The following COP1 variants were observed in gnomAD, a reference collection of about 807,000 sequenced individuals.
The protein encoded by COP1 is E3 ubiquitin-protein ligase COP1.
Under a neutral mutation model 101.3 loss-of-function variants are expected in COP1, and 24 were observed. The ratio of observed to expected loss-of-function variants is 0.24; its 90% CI spans 0.17 to 0.33. The LOEUF is 0.33. Among genes scored for constraint, COP1 ranks in the 10% least tolerant of loss-of-function variants. The pLI is 1.00. For synonymous variants in COP1, 347 were observed against 341.9 expected (o/e 1.01, Z -0.17); for missense variants, 663 against 906.2 (o/e 0.73, Z 3.45).
At chr1:176,191,707 C>A (rs1455054023) in intron 1 of COP1, among the ~76,000 whole-genome samples, 1 of 152,128 alleles carries the variant, frequency 6.6e-6, no homozygotes, top group Non-Finnish European at 1.5e-5. Context: ...TCATCTCACT[C>A]TTTCCCAGTT....
At chr1:176,102,788 C>A (rs1683637227) in intron 9 of COP1, among the ~76,000 whole-genome samples, 1 of 152,188 alleles carries the variant, frequency 6.6e-6, no homozygotes, top group African/African-American at 2.4e-5. Flanking sequence ...ATTTTGCAGA[C>A]CCTGCACTTG....
At chr1:176,179,341 T>C (rs1319955029) in intron 2 of COP1, among the ~76,000 whole-genome samples, 1 of 151,536 alleles carries the variant, frequency 6.6e-6, no homozygotes, top group African/African-American at 2.4e-5. Context: ...GACAGATAAG[T>C]AGAAGGAGAA....
intron 15 of COP1, among the ~76,000 whole-genome samples, chr1:176,016,921 C>T (rs12041226): frequency 0.06 from 9,208 of 152,224 alleles, 593 homozygotes; most frequent in East Asian, 0.26. Flanking sequence ...CAATTCCTAA[C>T]ATCTTAAGTG....
rs141056672 is a variant in COP1, at chr1:176,045,136, C to T, written c.1421+1045G>A. ...TAATCTTAGGCAGGTTATTTACCTT[C>T]CTGTGCTCAGCTTTCTTTGTATAAA... is the stretch of plus-strand genomic sequence containing the variant. On this transcript the variant is annotated intron_variant, in intron 12 of 19. Coordinates refer to ENST00000367669, the MANE Select transcript of COP1 (RefSeq NM_022457.7). Among the ~76,000 whole-genome samples, 398 of 152,240 alleles carry T rather than the reference C, an allele frequency of 2.6e-3. 3 individuals carry two copies. Among genetic ancestry groups the T allele is most frequent in the African/African-American group, 9.1e-3 (379 of 41,538 alleles).
At chr1:175,945,680 T>C (rs1649078381) in intron 19 of COP1, among the ~76,000 whole-genome samples, 1 of 152,190 alleles carries the variant, frequency 6.6e-6, no homozygotes, top group Non-Finnish European at 1.5e-5. Flanking sequence ...AGTAGTATAC[T>C]GTCATAAAAA....
chr1:176,005,634 TG>T (rs1321387640), intron 15 of COP1, among the ~76,000 whole-genome samples: 2 of 152,236 alleles, frequency 1.3e-5, no homozygotes, highest in East Asian at 3.8e-4. Context: ...AGGAGCAGGT[TG>T]TTCAGTTTCC....
Position 176,191,790 on chromosome 1 carries a change from G to C in COP1, c.408-7098C>G, listed in dbSNP as rs138960406. Among the ~76,000 whole-genome samples, 44 of 152,068 alleles carry C rather than the reference G, an allele frequency of 2.9e-4. No individual in the cohort carries two copies. The East Asian group carries it at 7.9e-3, about 27-fold the overall frequency. On this transcript the variant is annotated intron_variant, in intron 1 of 19. Transcript: ENST00000367669. ...TCAAAAGCAGAGATTAAACTTATTT[G>C]GTATTTTGTGAAGTGATTCCTCCCT...
intron 9 of COP1, among the ~76,000 whole-genome samples, chr1:176,089,362 A>G (rs1401653419): frequency 6.6e-6 from 1 of 152,232 alleles, no homozygotes; most frequent in Non-Finnish European, 1.5e-5. Context: ...TTAAGAGGCA[A>G]TAATATACAC....
chr1:176,160,489 C>T (rs1694156967), intron 5 of COP1, among the ~76,000 whole-genome samples: 1 of 151,782 alleles, frequency 6.6e-6, no homozygotes, highest in African/African-American at 2.4e-5. Flanking sequence ...AGGCAACCTA[C>T]AGAATGGGGA....
intron 11 of COP1, among the ~76,000 whole-genome samples, chr1:176,057,776 G>C (rs1301093706): frequency 1.3e-5 from 2 of 152,154 alleles, no homozygotes; most frequent in Non-Finnish European, 2.9e-5. Context: ...GAAGTGAGGA[G>C]CGTCTCTGCC....
chr1:176,164,739 T>G (rs1694838046), intron 3 of COP1, among the ~76,000 whole-genome samples: 1 of 152,178 alleles, frequency 6.6e-6, no homozygotes, highest in African/African-American at 2.4e-5. Context: ...TAGAAATTCT[T>G]TTCCCGTGAA....
chr1:176,176,386 A>G (rs561051152), intron 2 of COP1, among the ~76,000 whole-genome samples: 2 of 152,340 alleles, frequency 1.3e-5, no homozygotes, highest in African/African-American at 4.8e-5. Context: ...TACTCAGTTC[A>G]TTGAAATAAA....
intron 18 of COP1, among the ~76,000 whole-genome samples, chr1:175,959,541 T>C (rs1651071440): frequency 6.6e-6 from 1 of 152,032 alleles, no homozygotes; most frequent in Non-Finnish European, 1.5e-5. Context: ...ATTAATTGTG[T>C]GCATAAAAAA....
chr1:176,019,588 C>T (rs926678684), intron 15 of COP1, among the ~76,000 whole-genome samples: 9 of 149,886 alleles, frequency 6.0e-5, no homozygotes, highest in Non-Finnish European at 1.0e-4. Flanking sequence ...GGGCCTGGCA[C>T]GGTGGCTCAC....
At chr1:176,036,119 T>C (rs1301928169) in intron 14 of COP1, among the ~76,000 whole-genome samples, 1 of 152,060 alleles carries the variant, frequency 6.6e-6, no homozygotes, top group Non-Finnish European at 1.5e-5. Context: ...TAGTAAATAG[T>C]CATGAAAACT....
In COP1 at chr1:176,041,171, A is replaced by T. The variant is rs148493970; in HGVS notation, c.1612+2015T>A. On this transcript the variant is annotated intron_variant, in intron 14 of 19. Coordinates refer to ENST00000367669, the MANE Select transcript of COP1 (RefSeq NM_022457.7). The stretch of plus-strand genomic sequence containing the variant: ...TAGAGATTTCTAAATATTTCCAGGA[A>T]AAAAAGGTTATTTGGTGGTATATCT... Among the ~76,000 whole-genome samples, 399 of 152,262 alleles carry T rather than the reference A, an allele frequency of 2.6e-3. 3 individuals carry two copies. The highest frequency in any genetic ancestry group is 9.2e-3 in the African/African-American group (381 of 41,554).
At chr1:176,074,455 T>C (rs1677597762) in intron 11 of COP1, among the ~76,000 whole-genome samples, 1 of 152,168 alleles carries the variant, frequency 6.6e-6, no homozygotes, top group African/African-American at 2.4e-5. Flanking sequence ...ATTGGAATTT[T>C]TTCTTTAAAA....
intron 18 of COP1, among the ~76,000 whole-genome samples, chr1:175,961,343 T>C (rs1158081112): frequency 6.6e-6 from 1 of 152,186 alleles, no homozygotes; most frequent in African/African-American, 2.4e-5. Flanking sequence ...ATCATCACAG[T>C]CGTTTCATTA....
intron 8 of COP1, among the ~76,000 whole-genome samples, chr1:176,119,464 T>C (rs1474971451): frequency 6.6e-6 from 1 of 152,210 alleles, no homozygotes; most frequent in Admixed American, 6.5e-5. Context: ...CATCAGTTTG[T>C]TGAAGATAAA....
Sources: allele counts gnomAD v4.1 joint callset (sites outside exome capture counted in the v4.1 genomes callset), GRCh38; gene constraint gnomAD v4.1.1; transcripts MANE v1.5; gene names NCBI Gene and HGNC (gene_info 2026-07-23, HGNC 2026-07-21).